KMT5B: variants seen among roughly 807,000 people sequenced by gnomAD.
KMT5B encodes the protein histone-lysine N-methyltransferase KMT5B.
In KMT5B, 10 loss-of-function variants were observed where a neutral mutation model predicts 83.2. That is an observed-to-expected ratio of 0.12 (90% CI 0.07 to 0.20). The LOEUF is 0.20. Among genes scored for constraint, KMT5B ranks in the 10% least tolerant of loss-of-function variants. The pLI, the probability that KMT5B is intolerant of heterozygous loss-of-function variation, is 1.00. For missense variants in KMT5B, 753 were observed against 1,067.2 expected, an observed-to-expected ratio of 0.71 and a Z score of 4.10; for synonymous variants, 349 against 388.8, an observed-to-expected ratio of 0.90 and a Z score of 1.20.
At position 68,158,221 on chromosome 11, in the gene KMT5B, G is replaced by A. The variant is rs1343290851; in HGVS notation, c.2125C>T (p.Leu709=). 1.1e-5 allele frequency: 18 copies of A among 1,614,012 alleles called. No individual in the cohort carries two copies. The highest frequency in any genetic ancestry group is 1.7e-5 in the Admixed American group (1 of 60,002). Residue 709 remains leucine (L), a synonymous_variant, in exon 11 of 11, where the codon CTA becomes TTA. Coordinates refer to ENST00000304363, the MANE Select transcript of KMT5B (RefSeq NM_017635.5). ...TTGGGAATCCCAGAGTTATTTTCTA[G>A]GATTAACTGTGCATCATACCTTGTG... The part of the protein sequence containing the change: ...RITRYDAQLI[L]ENNSGIPKLT...
rs932813473 is a variant in KMT5B at position 68,156,972 on chromosome 11, A to C, written c.*716T>G. The C allele has an allele frequency of 1.3e-5, 2 of 152,420 alleles. No individual in the cohort carries two copies. The highest frequency in any genetic ancestry group is 4.8e-5 in the African/African-American group (2 of 41,458). 9.4% of individuals were successfully genotyped at this position (152,420 alleles called of 1,614,324 possible). On this transcript the variant is annotated 3_prime_UTR_variant, in exon 11 of 11. Transcript: ENST00000304363. ...AATTTTATCTAAAAGGATTGAAAAG[A>C]GTTAAATACAAGGTTTTTAATTTAC...
chr11:68,159,693 A>G (rs1854685008), intron 10 of KMT5B, among the ~76,000 whole-genome samples: 1 of 152,234 alleles, frequency 6.6e-6, no homozygotes. Context: ...CAATGGTTTC[A>G]AACAAGAAAA....
At chr11:68,181,956 A>G (rs1416348145) in intron 3 of KMT5B, among the ~76,000 whole-genome samples, 1 of 152,236 alleles carries the variant, frequency 6.6e-6, no homozygotes, top group East Asian at 1.9e-4. Flanking sequence ...TGCTCTAACC[A>G]GGGCAACAGA....
chr11:68,162,711 C>A (rs1423314657), intron 10 of KMT5B, among the ~76,000 whole-genome samples: 2 of 152,270 alleles, frequency 1.3e-5, no homozygotes, highest in East Asian at 1.9e-4. Flanking sequence ...CATAAACGCT[C>A]CATTTTTGAG....
intron 10 of KMT5B, among the ~76,000 whole-genome samples, chr11:68,165,278 C>A (rs552592876): frequency 6.6e-6 from 1 of 152,146 alleles, no homozygotes; most frequent in Admixed American, 6.5e-5. Flanking sequence ...CAAGGCAAGG[C>A]GGATCACCTG....
At chr11:68,179,384 G>A in intron 4 of KMT5B, 1 of 1,174,254 alleles carries the variant, frequency 8.5e-7, no homozygotes, top group Non-Finnish European at 1.1e-6. Context: ...ATCAATGGCT[G>A]GTATAAGAAA....
At chr11:68,173,740 T>C in intron 6 of KMT5B, 64 bp downstream of exon 6, 1 of 1,139,290 alleles carries the variant, frequency 8.8e-7, no homozygotes. Context: ...TTCTCAGCAC[T>C]TCAACAATAA....
chr11:68,162,577 G>A (rs1894203), intron 10 of KMT5B, among the ~76,000 whole-genome samples: 1 of 152,162 alleles, frequency 6.6e-6, no homozygotes, highest in African/African-American at 2.4e-5. Flanking sequence ...ATTTTCACCC[G>A]TTGGATGACT....
intron 1 of KMT5B, among the ~76,000 whole-genome samples, chr11:68,207,897 T>C (rs1860360979): frequency 1.3e-5 from 2 of 150,114 alleles, no homozygotes; most frequent in East Asian, 4.3e-4. Flanking sequence ...TGGAGTGCAG[T>C]GGCACGATCT....
At chr11:68,166,682 T>C (rs1353337185) in intron 10 of KMT5B, 1 of 1,164,922 alleles carries the variant, frequency 8.6e-7, no homozygotes, top group Non-Finnish European at 1.1e-6. Context: ...ATCATCACAG[T>C]CTCTAACACC....
chr11:68,165,486 G>C (rs781323104), intron 10 of KMT5B, among the ~76,000 whole-genome samples: 1 of 151,742 alleles, frequency 6.6e-6, no homozygotes, highest in Non-Finnish European at 1.5e-5. Context: ...CCTGGGGACA[G>C]AGCGAGACTC....
intron 9 of KMT5B, among the ~76,000 whole-genome samples, chr11:68,169,012 G>C (rs761053710): frequency 9.2e-5 from 14 of 152,176 alleles, no homozygotes; most frequent in Non-Finnish European, 1.9e-4. Flanking sequence ...GAAACAATTT[G>C]GTGTTTATGA....
At chr11:68,164,535 T>G in intron 10 of KMT5B, 1 of 419,524 alleles carries the variant, frequency 2.4e-6, no homozygotes, top group Non-Finnish European at 4.9e-6. Context: ...CAAGAAATCC[T>G]TATGTGAACA....
chr11:68,206,223 A>C (rs569300192), intron 1 of KMT5B, among the ~76,000 whole-genome samples: 1 of 152,366 alleles, frequency 6.6e-6, no homozygotes, highest in East Asian at 1.9e-4. Flanking sequence ...CTTACCTAGC[A>C]GTGCCTAGAA....
rs1859227669 is a variant in KMT5B, at chr11:68,155,495, T to C, written c.*2193A>G. 6.6e-6 allele frequency: 1 copy of C among 152,238 alleles called. No homozygotes were observed. Among genetic ancestry groups the C allele is most frequent in the South Asian group, 2.1e-4 (1 of 4,830 alleles). The allele number at this position is 152,238 out of a possible 1,614,324, so 9.4% of individuals were successfully genotyped here. A position where few individuals can be genotyped will look rare whatever the true frequency, so the allele number is the denominator to read the frequency against. On this transcript the variant is annotated 3_prime_UTR_variant, in exon 11 of 11. Transcript: ENST00000304363. ...AAAAATGAAAATGGGAAATGTGTTTTGTCACTTTTTAAGATCGAAATTCCC... is the reference window on the plus strand; with the variant it reads ...AAAAATGAAAATGGGAAATGTGTTTCGTCACTTTTTAAGATCGAAATTCCC...
chr11:68,157,982 C>T lies in KMT5B; in HGVS notation c.2364G>A (p.Arg788=). ...CATGAAGCCCCTCTGTATAAGACCC[C>T]CTATTTTCCTCATCTCGTTTTAGCT... The part of the protein sequence containing the change: ...KIQLKRDEEN[R]GSYTEGLHEN... The change falls in exon 11 of 11, where the codon AGG becomes AGA. Residue 788 remains arginine (R), a synonymous_variant. Coordinates refer to ENST00000304363, the MANE Select transcript of KMT5B (RefSeq NM_017635.5). The T allele has an allele frequency of 6.2e-7, 1 of 1,614,134 alleles. No homozygotes were observed.
chr11:68,213,401 G>T (rs2049356643), upstream of KMT5B: 1 of 130,616 alleles, frequency 7.7e-6, no homozygotes, highest in African/African-American at 2.8e-5. Context: ...CGCCGCCGTC[G>T]CGCCCCCCGC....
chr11:68,185,561 T>C (rs942849275), intron 3 of KMT5B, among the ~76,000 whole-genome samples: 1 of 152,204 alleles, frequency 6.6e-6, no homozygotes, highest in Non-Finnish European at 1.5e-5. Context: ...TATACGTTAA[T>C]AGAAATGTTC....
intron 1 of KMT5B, among the ~76,000 whole-genome samples, chr11:68,207,544 G>A (rs1860288725): frequency 6.6e-6 from 1 of 152,050 alleles, no homozygotes; most frequent in South Asian, 2.1e-4. Context: ...TGTAATCCCA[G>A]CACTTTGGGA....
Sources: gnomAD v4.1 joint callset for allele counts (sites outside exome capture counted in the v4.1 genomes callset) on GRCh38, gnomAD v4.1.1 for gene constraint, MANE v1.5 for transcripts, NCBI Gene and HGNC (gene_info 2026-07-23, HGNC 2026-07-21) for gene names.